The following DLG2 variants were observed in gnomAD, a reference collection of about 807,000 sequenced individuals.
DLG2 encodes discs large MAGUK scaffold protein 2.
A neutral mutation model predicts 132.5 loss-of-function variants in DLG2; 45 were observed. That is an observed-to-expected ratio of 0.34 (90% CI 0.27 to 0.44). The LOEUF is 0.44. Ranked by LOEUF, DLG2 falls within the 20% of genes least tolerant of loss-of-function variation. DLG2 has a pLI of 1.00. For synonymous variants in DLG2, 424 were observed against 419.6 expected, an observed-to-expected ratio of 1.01 and a Z score of -0.13; for missense variants, 1,045 against 1,196.9, an observed-to-expected ratio of 0.87 and a Z score of 1.87.
intron 3 of DLG2, among the ~76,000 whole-genome samples, chr11:85,522,782 A>G (rs2074417541): frequency 6.6e-6 from 1 of 152,180 alleles, no homozygotes; most frequent in Admixed American, 6.5e-5. Flanking sequence ...CCCATTCGGA[A>G]TGGGTGGATT....
intron 16 of DLG2, among the ~76,000 whole-genome samples, chr11:83,862,453 G>A (rs2061601133): frequency 6.6e-6 from 1 of 151,862 alleles, no homozygotes; most frequent in Non-Finnish European, 1.5e-5. Flanking sequence ...GAAGGGCAGT[G>A]GTGGGGGAAA....
chr11:84,948,921 C>G (rs1411531452), intron 6 of DLG2, among the ~76,000 whole-genome samples: 1 of 152,084 alleles, frequency 6.6e-6, no homozygotes, highest in Non-Finnish European at 1.5e-5. Flanking sequence ...CTAGCAGATC[C>G]CTGCCATGCA....
intron 6 of DLG2, among the ~76,000 whole-genome samples, chr11:84,826,177 C>A (rs553997285): frequency 3.3e-5 from 5 of 151,960 alleles, no homozygotes; most frequent in South Asian, 2.1e-4. Context: ...TCACCTCAAG[C>A]ATTTATCCTT....
intron 7 of DLG2, among the ~76,000 whole-genome samples, chr11:84,522,446 T>A (rs1055022995): frequency 1.3e-5 from 2 of 152,204 alleles, no homozygotes; most frequent in Non-Finnish European, 2.9e-5. Flanking sequence ...GTCTCTTGAA[T>A]GCATTTTAAA....
intron 15 of DLG2, among the ~76,000 whole-genome samples, chr11:83,900,433 A>G (rs1156860515): frequency 6.6e-6 from 1 of 152,144 alleles, no homozygotes; most frequent in African/African-American, 2.4e-5. Flanking sequence ...CAAAGAGAAA[A>G]AAGTGGTTTT....
chr11:85,438,574 G>A (rs868307041), intron 3 of DLG2, among the ~76,000 whole-genome samples: 1 of 151,976 alleles, frequency 6.6e-6, no homozygotes, highest in African/African-American at 2.4e-5. Context: ...TCACCCAATG[G>A]AAATATTTCA....
At chr11:83,690,349 T>A (rs2080763178) in intron 18 of DLG2, among the ~76,000 whole-genome samples, 1 of 151,508 alleles carries the variant, frequency 6.6e-6, no homozygotes, top group Non-Finnish European at 1.5e-5. Context: ...ACCCAAAAAC[T>A]CTGTGGCCTA....
chr11:85,417,754 G>A (rs954113041), intron 3 of DLG2, among the ~76,000 whole-genome samples: 1 of 152,114 alleles, frequency 6.6e-6, no homozygotes. Flanking sequence ...AGTATTCTCT[G>A]ATGGTCATTT....
chr11:84,532,383 T>C (rs1281929288), intron 7 of DLG2, among the ~76,000 whole-genome samples: 1 of 152,182 alleles, frequency 6.6e-6, no homozygotes, highest in Non-Finnish European at 1.5e-5. Context: ...TATAAAATGC[T>C]AGCCTTGATT....
intron 7 of DLG2, among the ~76,000 whole-genome samples, chr11:84,367,226 C>G (rs138659945): frequency 6.6e-6 from 1 of 152,122 alleles, no homozygotes; most frequent in Non-Finnish European, 1.5e-5. Context: ...AAGTCGAGGA[C>G]CAGCAAAGTT....
chr11:85,479,598 C>A (rs537872558), intron 3 of DLG2, among the ~76,000 whole-genome samples: 1 of 152,268 alleles, frequency 6.6e-6, no homozygotes, highest in Admixed American at 6.5e-5. Flanking sequence ...AAATGATGCT[C>A]AACCTCTCTA....
At chr11:83,841,609 C>T (rs780359927) in intron 16 of DLG2, among the ~76,000 whole-genome samples, 7 of 152,198 alleles carry the variant, frequency 4.6e-5, no homozygotes, top group African/African-American at 7.2e-5. Flanking sequence ...CCATACAAAA[C>T]GACATACGTT....
Position 84,624,857 on chromosome 11 carries a change from C to CTTTTTTTTTTTTTTTTTTTT in DLG2, c.358-90127_358-90126insAAAAAAAAAAAAAAAAAAAA, listed in dbSNP as rs776520040. On this transcript the variant is annotated intron_variant, in intron 6 of 27. Transcript: ENST00000376104. ...AGTTACCTCTCAGAAGAGAGTCAAC[C>CTTTTTTTTTTTTTTTTTTTT]TTTTTTTTTTTTTTTTTTGAGACGG... Among the ~76,000 whole-genome samples the CTTTTTTTTTTTTTTTTTTTT allele has an allele frequency of 2.6e-4, 20 of 76,176 alleles. 7 individuals carry two copies. Among genetic ancestry groups the CTTTTTTTTTTTTTTTTTTTT allele is most frequent in the African/African-American group, 1.5e-3 (13 of 8,544 alleles). 50.0% of individuals were successfully genotyped at this position (76,176 alleles called of 152,430 possible). A position where few individuals can be genotyped will look rare whatever the true frequency, so the allele number is the denominator to read the frequency against.
intron 6 of DLG2, among the ~76,000 whole-genome samples, chr11:84,945,618 C>A (rs1210793768): frequency 6.6e-6 from 1 of 152,176 alleles, no homozygotes; most frequent in Non-Finnish European, 1.5e-5. Context: ...AGACAGAAAT[C>A]CAGCTAGGCT....
rs564753232 is a variant in DLG2 at position 85,429,127 on chromosome 11, C to G, written c.41-143762G>C. Among the ~76,000 whole-genome samples, 308 of 152,188 alleles carry G rather than the reference C, an allele frequency of 2.0e-3. 3 individuals are homozygous for G. The highest frequency in any genetic ancestry group is 6.9e-3 in the African/African-American group (286 of 41,540). ...CCAATAACAGGCTCTGAAATTGAGG[C>G]AATAATTAATAGCTTATCAATCAAA... On this transcript the variant is annotated intron_variant, in intron 3 of 27. Coordinates refer to ENST00000376104, the MANE Select transcript of DLG2 (RefSeq NM_001142699.3).
At chr11:83,479,367 G>C (rs1461365593) in intron 22 of DLG2, among the ~76,000 whole-genome samples, 1 of 127,050 alleles carries the variant, frequency 7.9e-6, no homozygotes, top group Non-Finnish European at 1.7e-5. Flanking sequence ...AAAGTACCAT[G>C]CTATAACGGG....
In DLG2 at chr11:84,948,104, T is replaced by A. The variant is rs541698500; in HGVS notation, c.357+163557A>T. On this transcript the variant is annotated intron_variant, in intron 6 of 27. Coordinates refer to ENST00000376104, the MANE Select transcript of DLG2 (RefSeq NM_001142699.3). ...GCTTTAGTAAACAGGAGATAGGATTTTAAGAGGTGTCCTCTTTTCCCCTTG... is the reference window on the plus strand; with the variant it reads ...GCTTTAGTAAACAGGAGATAGGATTATAAGAGGTGTCCTCTTTTCCCCTTG... 7.2e-5 allele frequency among the ~76,000 whole-genome samples: 11 copies of A among 152,334 alleles called. No homozygotes were observed. The South Asian group carries it at 1.7e-3, about 23-fold the overall frequency.
intron 18 of DLG2, among the ~76,000 whole-genome samples, chr11:83,711,267 T>C (rs116973727): frequency 6.6e-6 from 1 of 152,286 alleles, no homozygotes; most frequent in East Asian, 1.9e-4. Context: ...GGATAGGGTG[T>C]ATAGATGCTA....
intron 18 of DLG2, among the ~76,000 whole-genome samples, chr11:83,780,897 C>T (rs541674721): frequency 3.3e-5 from 5 of 152,278 alleles, no homozygotes; most frequent in Admixed American, 2.6e-4. Flanking sequence ...TCCAACCCAA[C>T]AGTGACAAGT....
Sources: gnomAD v4.1 joint callset for allele counts (sites outside exome capture counted in the v4.1 genomes callset) on GRCh38, gnomAD v4.1.1 for gene constraint, MANE v1.5 for transcripts, NCBI Gene and HGNC (gene_info 2026-07-23, HGNC 2026-07-21) for gene names.